Variants in SH3RF3 observed in about 807,000 individuals in gnomAD.
SH3RF3 encodes the protein E3 ubiquitin-protein ligase SH3RF3.
Under a neutral mutation model 66.3 loss-of-function variants are expected in SH3RF3, and 29 were observed. The ratio of observed to expected loss-of-function variants is 0.44; its 90% CI spans 0.33 to 0.60. The LOEUF is 0.60. SH3RF3 is among the 20% of genes least tolerant of loss of function. The pLI, the probability that SH3RF3 is intolerant of heterozygous loss-of-function variation, is 0.04. For missense variants in SH3RF3, 1,194 were observed against 1,190.9 expected (o/e 1.00, Z -0.04); for synonymous variants, 583 against 532.0 (o/e 1.10, Z -1.32).
chr2:109,194,499 G>T (rs999022841), intron 1 of SH3RF3, among the ~76,000 whole-genome samples: 2 of 152,240 alleles, frequency 1.3e-5, no homozygotes, highest in Non-Finnish European at 2.9e-5. Context: ...CAGGTGGGTG[G>T]TGCGCATCTG....
In SH3RF3 at chr2:109,449,248, G is replaced by C. The variant is rs750668620; in HGVS notation, c.1907G>C (p.Arg636Pro). ...CTGCGCACCCAGAACTCTCCATCCC[G>C]CCTGCCTGCCACCAGCCTCAGGCCC... ...SPLRTQNSPS[R>P]LPATSLRPHS... The change falls in exon 8 of 10, where the codon CGC (arginine) becomes CCC (proline). Residue 636 changes from arginine (R) to proline (P), a missense_variant. Coordinates refer to ENST00000309415, the MANE Select transcript of SH3RF3 (RefSeq NM_001099289.3). The C allele has an allele frequency of 8.7e-6, 14 of 1,612,098 alleles. No individual in the cohort carries two copies. The South Asian group carries it at 1.4e-4, about 17-fold the overall frequency.
At chr2:109,223,772 C>G (rs1435064035) in intron 1 of SH3RF3, among the ~76,000 whole-genome samples, 6 of 152,186 alleles carry the variant, frequency 3.9e-5, no homozygotes, top group Non-Finnish European at 8.8e-5. Context: ...GCCATCCCTG[C>G]TAGTCTCTGC....
chr2:109,334,338 A>G (rs1682355620), intron 1 of SH3RF3, among the ~76,000 whole-genome samples: 1 of 131,386 alleles, frequency 7.6e-6, no homozygotes, highest in South Asian at 2.7e-4. Flanking sequence ...AGATTGGGTG[A>G]CAGTTTTTTT....
At chr2:109,320,286 T>G (rs1000056180) in intron 1 of SH3RF3, among the ~76,000 whole-genome samples, 1 of 152,214 alleles carries the variant, frequency 6.6e-6, no homozygotes, top group Non-Finnish European at 1.5e-5. Flanking sequence ...GTTTCCTTCC[T>G]GTTCTCTGCA....
chr2:109,148,992 T>C (rs1185075129), intron 1 of SH3RF3, among the ~76,000 whole-genome samples: 1 of 152,250 alleles, frequency 6.6e-6, no homozygotes, highest in East Asian at 1.9e-4. Context: ...TTTCCCTGTT[T>C]GCACTTCTGG....
At chr2:109,444,836 CAA>C (rs1241966663) in intron 7 of SH3RF3, among the ~76,000 whole-genome samples, 1 of 152,044 alleles carries the variant, frequency 6.6e-6, no homozygotes, top group Admixed American at 6.6e-5. Context: ...CCAATAAACT[CAA>C]GAGATAGGAG....
At chr2:109,478,700 A>G (rs1678755215) in intron 8 of SH3RF3, among the ~76,000 whole-genome samples, 1 of 152,030 alleles carries the variant, frequency 6.6e-6, no homozygotes, top group Non-Finnish European at 1.5e-5. Flanking sequence ...GAAGGGAGAG[A>G]GGGGGAGAGT....
At chr2:109,425,351 G>A in intron 5 of SH3RF3, among the ~76,000 whole-genome samples, 1 of 152,066 alleles carries the variant, frequency 6.6e-6, no homozygotes, top group South Asian at 2.1e-4. Context: ...TAAAATCACT[G>A]ATGAAGGTGG....
chr2:109,404,870 C>T (rs1418478944), intron 4 of SH3RF3, among the ~76,000 whole-genome samples: 1 of 152,158 alleles, frequency 6.6e-6, no homozygotes, highest in Non-Finnish European at 1.5e-5. Context: ...ATCTTGACCT[C>T]TTGGCAGCAC....
At chr2:109,342,911 C>G (rs190650917) in intron 1 of SH3RF3, among the ~76,000 whole-genome samples, 86 of 152,286 alleles carry the variant, frequency 5.6e-4, no homozygotes, top group African/African-American at 1.9e-3. Context: ...GTTAATTGTC[C>G]TGTAGGCATC....
At chr2:109,193,910 C>A (rs971337604) in intron 1 of SH3RF3, among the ~76,000 whole-genome samples, 4 of 152,212 alleles carry the variant, frequency 2.6e-5, no homozygotes, top group African/African-American at 9.7e-5. Flanking sequence ...GCAAGCCTTG[C>A]CCCAGGTCTC....
At chr2:109,428,290 T>C (rs1471512410) in intron 5 of SH3RF3, among the ~76,000 whole-genome samples, 1 of 152,254 alleles carries the variant, frequency 6.6e-6, no homozygotes, top group Non-Finnish European at 1.5e-5. Context: ...ACTAAAATAC[T>C]TTGGTTTACT....
intron 1 of SH3RF3, among the ~76,000 whole-genome samples, chr2:109,334,607 C>A (rs930063316): frequency 6.6e-6 from 1 of 152,112 alleles, no homozygotes; most frequent in Admixed American, 6.5e-5. Flanking sequence ...GTGTCCACTG[C>A]GCTGATTCCA....
At chr2:109,207,443 A>T (rs1403259778) in intron 1 of SH3RF3, among the ~76,000 whole-genome samples, 1 of 152,180 alleles carries the variant, frequency 6.6e-6, no homozygotes, top group Admixed American at 6.5e-5. Flanking sequence ...TTTTGAAAAT[A>T]TTTGTGATGT....
intron 1 of SH3RF3, among the ~76,000 whole-genome samples, chr2:109,327,804 T>C (rs551953132): frequency 6.6e-6 from 1 of 152,378 alleles, no homozygotes; most frequent in African/African-American, 2.4e-5. Context: ...AGTTGACTTT[T>C]ACATATACAT....
chr2:109,342,779 G>A (rs897921707), intron 1 of SH3RF3, among the ~76,000 whole-genome samples: 3 of 152,200 alleles, frequency 2.0e-5, no homozygotes, highest in Non-Finnish European at 4.4e-5. Flanking sequence ...CCACGTGAGC[G>A]CCATCTCCAC....
intron 5 of SH3RF3, among the ~76,000 whole-genome samples, chr2:109,432,091 G>T (rs1351915793): frequency 1.3e-5 from 2 of 152,124 alleles, no homozygotes; most frequent in Non-Finnish European, 2.9e-5. Flanking sequence ...TTTCCCTAAG[G>T]TTTCCCTTGC....
intron 8 of SH3RF3, among the ~76,000 whole-genome samples, chr2:109,482,022 G>A (rs530360702): frequency 9.2e-5 from 14 of 152,320 alleles, no homozygotes; most frequent in Non-Finnish European, 1.6e-4. Flanking sequence ...ACTGAATGGC[G>A]TACTGGGGTT....
chr2:109,268,781 T>C (rs950978055), intron 1 of SH3RF3, among the ~76,000 whole-genome samples: 22 of 152,146 alleles, frequency 1.4e-4, no homozygotes, highest in Non-Finnish European at 1.6e-4. Context: ...TGTCGCCTAC[T>C]ATAGGCTAAT....
Sources: allele counts gnomAD v4.1 joint callset (sites outside exome capture counted in the v4.1 genomes callset), GRCh38; gene constraint gnomAD v4.1.1; transcripts MANE v1.5; gene names NCBI Gene and HGNC (gene_info 2026-07-23, HGNC 2026-07-21).